Variants in RBBP6 observed in about 807,000 individuals in gnomAD.
RBBP6 encodes the protein RB binding protein 6, ubiquitin ligase.
Under a neutral mutation model 167.7 loss-of-function variants are expected in RBBP6, and 25 were observed. The ratio of observed to expected loss-of-function variants is 0.15; its 90% CI spans 0.11 to 0.21. The LOEUF (loss-of-function observed/expected upper bound fraction) is 0.21. Ranked by LOEUF, RBBP6 falls within the 10% of genes least tolerant of loss-of-function variation. The probability of loss-of-function intolerance (pLI) is 1.00; values close to 1 mark genes in which losing one functional copy is unlikely to be tolerated. For synonymous variants in RBBP6, 789 were observed against 735.8 expected, an observed-to-expected ratio of 1.07 and a Z score of -1.17; for missense variants, 1,868 against 2,134.2, an observed-to-expected ratio of 0.88 and a Z score of 2.46.
chr16:24,552,812 T>C (rs958768179), intron 3 of RBBP6, among the ~76,000 whole-genome samples: 3 of 151,820 alleles, frequency 2.0e-5, no homozygotes, highest in South Asian at 2.1e-4. Flanking sequence ...AGCCCTCTTA[T>C]ATCCTTTATG....
chr16:24,564,075 A>G (rs988914282), intron 13 of RBBP6, among the ~76,000 whole-genome samples: 12 of 152,160 alleles, frequency 7.9e-5, no homozygotes, highest in African/African-American at 2.4e-4. Flanking sequence ...ACATAAATAC[A>G]TAATAAGATT....
intron 2 of RBBP6, among the ~76,000 whole-genome samples, chr16:24,547,665 C>T (rs949447853): frequency 6.6e-6 from 1 of 151,936 alleles, no homozygotes; most frequent in Admixed American, 6.6e-5. Context: ...CATGTTGGCC[C>T]GGCTGGTTTC....
At chr16:24,562,838 C>T (rs1272805978) in intron 10 of RBBP6, among the ~76,000 whole-genome samples, 1 of 152,152 alleles carries the variant, frequency 6.6e-6, no homozygotes, top group Non-Finnish European at 1.5e-5. Context: ...AGTTCTATGG[C>T]TGACCCAAGA....
intron 7 of RBBP6, among the ~76,000 whole-genome samples, chr16:24,557,911 G>T (rs540382989): frequency 6.6e-6 from 1 of 152,122 alleles, no homozygotes; most frequent in Non-Finnish European, 1.5e-5. Flanking sequence ...TCACAGATAA[G>T]AATGTTTTCC....
At chr16:24,561,390 T>C (rs1331952170) in intron 8 of RBBP6, among the ~76,000 whole-genome samples, 1 of 152,154 alleles carries the variant, frequency 6.6e-6, no homozygotes, top group Non-Finnish European at 1.5e-5. Context: ...CACACCCAGC[T>C]GTGACTTCTT....
Position 24,571,194 on chromosome 16 carries a change from C to G in RBBP6, c.4128C>G (p.Phe1376Leu), listed in dbSNP as rs1367042496. 1 of 1,613,764 alleles carries G rather than the reference C, an allele frequency of 6.2e-7. No homozygotes were observed. Among genetic ancestry groups the G allele is most frequent in the Non-Finnish European group, 8.5e-7 (1 of 1,179,912 alleles). ...AGCCATCCGAGAAAATTCAGAAATT[C>G]ACCAAGGACGTGAGCCATGAAATCA... is the stretch of plus-strand genomic sequence containing the variant. ...ESEPSEKIQK[F>L]TKDVSHEIIQ... The change falls in exon 18 of 18, where the codon TTC becomes TTG. Residue 1376 changes from phenylalanine to leucine, a missense_variant. By Grantham distance (22) the Phe-to-Leu change is conservative (BLOSUM62 0). Coordinates refer to ENST00000319715, the MANE Select transcript of RBBP6 (RefSeq NM_006910.5).
In RBBP6 at chr16:24,570,098, A is replaced by G. The variant is rs1300939356; in HGVS notation, c.3408A>G (p.Lys1136=). 1.9e-6 allele frequency: 3 copies of G among 1,601,072 alleles called. No individual in the cohort carries two copies. The highest frequency in any genetic ancestry group is 1.8e-5 in the Admixed American group (1 of 56,258). ...AAAAGGCCAAGAAGCCTAATGAGAA[A>G]AACAAACCACTTGATAATAAGGGAG... ...KEEKAKKPNE[K]NKPLDNKGEK... The change falls in exon 17 of 18, where the codon AAA becomes AAG. Residue 1136 remains lysine (K), a synonymous_variant. Transcript: ENST00000319715.
At position 24,572,007 on chromosome 16, in the gene RBBP6, A is replaced by C. The variant is rs1438881653; in HGVS notation, c.4941A>C (p.Glu1647Asp). The change falls in exon 18 of 18, where the codon GAA (glutamate) becomes GAC (aspartate). Residue 1647 changes from glutamate to aspartate, a missense_variant. By Grantham distance (45) the Glu-to-Asp change is conservative (BLOSUM62 2). This residue lies in a region of RBBP6 where 591 missense variants were observed against 540.5 expected (regional missense o/e 1.09). Coordinates refer to ENST00000319715, the MANE Select transcript of RBBP6 (RefSeq NM_006910.5). Reference protein sequence around the residue: ...FEPDYNESDSESNVSVKEEES... With the variant: ...FEPDYNESDSDSNVSVKEEES... Reference sequence around the variant, plus strand: ...CAGACTATAATGAAAGTGACAGTGAAAGTAATGTTTCTGTAAAAGAAGAGG... The same window carrying C: ...CAGACTATAATGAAAGTGACAGTGACAGTAATGTTTCTGTAAAAGAAGAGG... 6.2e-7 allele frequency: 1 copy of C among 1,614,044 alleles called. No individual in the cohort carries two copies. The highest frequency in any genetic ancestry group is 1.1e-5 in the South Asian group (1 of 91,074).
intron 3 of RBBP6, 179 bp from the exon 4 acceptor site, chr16:24,553,334 T>C (rs914299323): frequency 1.4e-5 from 7 of 495,840 alleles, no homozygotes; most frequent in Admixed American, 1.3e-4. Flanking sequence ...TTTTTATAAC[T>C]GTGTGAAATA....
intron 8 of RBBP6, among the ~76,000 whole-genome samples, chr16:24,560,165 AG>A (rs1437817810): frequency 7.2e-6 from 1 of 139,116 alleles, no homozygotes; most frequent in Non-Finnish European, 1.5e-5. Flanking sequence ...GCTGGAGTGC[AG>A]TGGTGTAATC....
chr16:24,572,706 G>C lies in RBBP6; in HGVS notation c.*261G>C. The C allele has an allele frequency of 2.9e-6, 1 of 339,364 alleles. No homozygotes were observed. Among genetic ancestry groups the C allele is most frequent in the Non-Finnish European group, 5.2e-6 (1 of 193,132 alleles). The allele number at this position is 339,364 out of a possible 1,614,324, so 21.0% of individuals were successfully genotyped here. A position where few individuals can be genotyped will look rare whatever the true frequency, so the allele number is the denominator to read the frequency against. ...ACCACCATTAATTAGTTGGGGTGGA[G>C]TTTACTGTAATGTGAAATTTTCACA... On this transcript the variant is annotated 3_prime_UTR_variant, in exon 18 of 18. Transcript: ENST00000319715.
At position 24,550,728 on chromosome 16, in the gene RBBP6, CTTTT is replaced by C. The variant is rs1480485784; in HGVS notation, c.303+1748_303+1751del. ...TTTATTTAAGCTTATTTAGGTTTCTCTTTTCTTTTCTTTTTTTTTTAATACTTTA... is the reference window on the plus strand; with the variant it reads ...TTTATTTAAGCTTATTTAGGTTTCTCCTTTTCTTTTTTTTTTAATACTTTA... On this transcript the variant is annotated intron_variant, in intron 3 of 17. Transcript: ENST00000319715. 3.3e-5 allele frequency among the ~76,000 whole-genome samples: 5 copies of C among 150,494 alleles called. No individual in the cohort carries two copies. In the East Asian group the frequency reaches 9.8e-4, roughly 29 times the overall value.
chr16:24,556,995 CTT>C (rs397962167), intron 7 of RBBP6, among the ~76,000 whole-genome samples: 33 of 108,824 alleles, frequency 3.0e-4, no homozygotes, highest in Admixed American at 1.1e-3. Flanking sequence ...ACCTTAATGC[CTT>C]TTTTTTTTTT....
At chr16:24,555,983 C>G in intron 6 of RBBP6, 66 bp downstream of exon 6, 1 of 1,384,378 alleles carries the variant, frequency 7.2e-7, no homozygotes, top group South Asian at 1.2e-5. Context: ...CCTTAGCTAT[C>G]TTATTTTTCT....
In RBBP6 at chr16:24,570,455, G is replaced by A; in HGVS notation, c.3765G>A (p.Val1255=). ...TCAAAGGAAAGGTCAGACGAAAAGT[G>A]ACTGGAACTGAAGGATCCAGCTCAA... The part of the protein sequence containing the change: ...EKVKGKVRRK[V]TGTEGSSSTL... Residue 1255 remains valine, a synonymous_variant, in exon 17 of 18, where the codon GTG becomes GTA. Transcript: ENST00000319715. 1 of 1,602,274 alleles carries A rather than the reference G, an allele frequency of 6.2e-7. No homozygotes were observed. Among genetic ancestry groups the A allele is most frequent in the Non-Finnish European group, 8.5e-7 (1 of 1,177,326 alleles).
rs974305078 is a variant in RBBP6, at chr16:24,539,620, A to C, written c.-1007A>C. The C allele has an allele frequency of 2.6e-5, 4 of 151,954 alleles. No individual in the cohort carries two copies. Among genetic ancestry groups the C allele is most frequent in the Non-Finnish European group, 4.4e-5 (3 of 68,016 alleles). The allele number at this position is 151,954 out of a possible 1,614,324, so 9.4% of individuals were successfully genotyped here. A position where few individuals can be genotyped will look rare whatever the true frequency, so the allele number is the denominator to read the frequency against. ...GCGTCCGCCATAGTACCTGGCTTGG[A>C]GGTGTCGCCGCCGCTCGGTGAGAGC... is the stretch of plus-strand genomic sequence containing the variant. On this transcript the variant is annotated 5_prime_UTR_variant, in exon 1 of 18. Transcript: ENST00000319715.
At chr16:24,567,119 A>G in intron 14 of RBBP6, 24 bp from the exon 15 acceptor site, 2 of 1,595,298 alleles carry the variant, frequency 1.3e-6, no homozygotes, top group Non-Finnish European at 1.7e-6. Flanking sequence ...TGAAGAAGTA[A>G]TATCTTGGAA....
At chr16:24,541,535 T>C (rs1898500487) in intron 1 of RBBP6, among the ~76,000 whole-genome samples, 1 of 152,200 alleles carries the variant, frequency 6.6e-6, no homozygotes, top group Non-Finnish European at 1.5e-5. Flanking sequence ...AAAGTAGTAG[T>C]TGCTAGATTT....
At position 24,556,309 on chromosome 16, in the gene RBBP6, A is replaced by G; in HGVS notation, c.536A>G (p.Asp179Gly). Reference protein sequence around the residue: ...HYIKNCPTNGDKNFESGPRIK... With the variant: ...HYIKNCPTNGGKNFESGPRIK... Reference sequence around the variant, plus strand: ...CCTCTTCCTTTTTCCTCTGAATAGGATAAAAACTTTGAATCTGGTCCTAGG... The same window carrying G: ...CCTCTTCCTTTTTCCTCTGAATAGGGTAAAAACTTTGAATCTGGTCCTAGG... The change falls in exon 7 of 18, where the codon GAT becomes GGT. Residue 179 changes from aspartate to glycine, a missense_variant and splice_region_variant. Around this residue, in one of 7 missense-constraint regions of RBBP6, gnomAD observed 184 missense variants for 327.7 expected, o/e 0.56. Transcript: ENST00000319715. 6.3e-7 allele frequency: 1 copy of G among 1,580,504 alleles called. No homozygotes were observed. The highest frequency in any genetic ancestry group is 8.7e-7 in the Non-Finnish European group (1 of 1,150,690).
Sources: allele counts gnomAD v4.1 joint callset (sites outside exome capture counted in the v4.1 genomes callset), GRCh38; gene constraint gnomAD v4.1.1; regional missense constraint gnomAD v4.1.1; transcripts MANE v1.5; gene names NCBI Gene and HGNC (gene_info 2026-07-23, HGNC 2026-07-21).